Variants in LARGE1 observed in about 807,000 individuals in gnomAD.
LARGE1 encodes LARGE xylosyl- and glucuronyltransferase 1, also known as xylosyl- and glucuronyltransferase LARGE1.
Under a neutral mutation model 87.6 loss-of-function variants are expected in LARGE1, and 43 were observed. That is an observed-to-expected ratio of 0.49 (90% CI 0.38 to 0.63). The LOEUF (loss-of-function observed/expected upper bound fraction) is 0.63, where lower values mean the gene tolerates loss of function less well. Among genes scored for constraint, LARGE1 ranks in the 30% least tolerant of loss-of-function variants. LARGE1 has a pLI of 0.00. For synonymous variants in LARGE1, 434 were observed against 394.6 expected (o/e 1.10, Z -1.18); for missense variants, 802 against 1,000.2 (o/e 0.80, Z 2.67).
At chr22:33,703,355 GAAAAAAAA>G (rs780406393) in intron 2 of LARGE1, among the ~76,000 whole-genome samples, 1 of 86,652 alleles carries the variant, frequency 1.2e-5, no homozygotes, top group Admixed American at 1.3e-4. Flanking sequence ...AGCCTAAAGT[GAAAAAAAA>G]AAAAAAAATA....
chr22:33,601,839 G>GTA (rs764787908), intron 5 of LARGE1, among the ~76,000 whole-genome samples: 16 of 151,884 alleles, frequency 1.1e-4, no homozygotes, highest in Non-Finnish European at 2.2e-4. Flanking sequence ...TATTTCGGAT[G>GTA]TATATATATA....
At chr22:33,447,217 C>T (rs2067718568) in intron 6 of LARGE1, among the ~76,000 whole-genome samples, 2 of 152,228 alleles carry the variant, frequency 1.3e-5, no homozygotes, top group South Asian at 4.1e-4. Flanking sequence ...TTGAAGAGAA[C>T]ATCCTTGCCA....
intron 1 of LARGE1, among the ~76,000 whole-genome samples, chr22:33,853,786 C>T (rs879688256): frequency 6.6e-6 from 1 of 152,254 alleles, no homozygotes; most frequent in Non-Finnish European, 1.5e-5. Context: ...CTGCTGTATC[C>T]TCAAAACCTG....
At chr22:33,193,301 AG>A (rs1240875173) in intron 11 of LARGE1, among the ~76,000 whole-genome samples, 1 of 152,232 alleles carries the variant, frequency 6.6e-6, no homozygotes, top group East Asian at 1.9e-4. Flanking sequence ...AGAGAGTTTA[AG>A]GAACGAATGG....
chr22:33,167,484 T>C (rs2146127554), intron 11 of LARGE1, among the ~76,000 whole-genome samples: 1 of 152,334 alleles, frequency 6.6e-6, no homozygotes, highest in South Asian at 2.1e-4. Flanking sequence ...GCAGTTTCTA[T>C]GGCTTAATAC....
At chr22:33,626,136 G>A (rs2079913155) in intron 4 of LARGE1, 108 bp downstream of exon 4, 1 of 886,376 alleles carries the variant, frequency 1.1e-6, no homozygotes, top group African/African-American at 1.6e-5. Flanking sequence ...TTTTATGGCA[G>A]CTAGAATGAT....
At chr22:33,574,456 A>AT (rs1022477905) in intron 5 of LARGE1, among the ~76,000 whole-genome samples, 27 of 151,206 alleles carry the variant, frequency 1.8e-4, no homozygotes, top group African/African-American at 4.9e-4. Context: ...GCAACCATCT[A>AT]TTTTTTTTTC....
chr22:33,491,319 G>A (rs1271901373), intron 6 of LARGE1, among the ~76,000 whole-genome samples: 1 of 152,156 alleles, frequency 6.6e-6, no homozygotes, highest in Non-Finnish European at 1.5e-5. Context: ...GAATTTTTAT[G>A]TAGGAAAGAG....
intron 9 of LARGE1, among the ~76,000 whole-genome samples, chr22:33,367,410 T>C (rs1462046334): frequency 6.6e-6 from 1 of 152,176 alleles, no homozygotes; most frequent in Non-Finnish European, 1.5e-5. Context: ...GAATTTAATG[T>C]TCTGTTCTGT....
intron 2 of LARGE1, chr22:33,747,716 G>T (rs2084142729): frequency 1.3e-5 from 2 of 152,322 alleles, no homozygotes; most frequent in South Asian, 4.1e-4. Flanking sequence ...TGTGGCTCAG[G>T]GCTCTATGCC....
chr22:33,274,441 CG>C lies in LARGE1; in HGVS notation c.2256del (p.Glu753ArgfsTer76), dbSNP rs1569001326. On this transcript the variant is annotated frameshift_variant, in exon 15 of 15. Coordinates refer to ENST00000397394, the MANE Select transcript of LARGE1 (RefSeq NM_133642.5). LOFTEE classifies it high-confidence loss of function. ...YGFAALKYLT[A>X]ENNS ...GCTTCTTGGTGCTAGCTGTTGTTCTCGGCTGTGAGATATTTCAGGGCAGCAA... is the reference window on the plus strand; with the variant it reads ...GCTTCTTGGTGCTAGCTGTTGTTCTCGCTGTGAGATATTTCAGGGCAGCAA... 6.2e-7 allele frequency: 1 copy of C among 1,614,172 alleles called. No individual in the cohort carries two copies. The highest frequency in any genetic ancestry group is 1.7e-5 in the Admixed American group (1 of 60,014).
At chr22:33,799,775 C>T (rs561738981) in intron 1 of LARGE1, among the ~76,000 whole-genome samples, 11 of 152,200 alleles carry the variant, frequency 7.2e-5, no homozygotes, top group Middle Eastern at 3.4e-3. Flanking sequence ...TGACTGAAAA[C>T]GGAGAGTTTG....
At chr22:33,278,553 T>TCTCTCA (rs1304691630) in intron 13 of LARGE1, among the ~76,000 whole-genome samples, 308 of 148,776 alleles carry the variant, frequency 2.1e-3, no homozygotes, top group African/African-American at 4.6e-3. Flanking sequence ...TCTCTCTCTC[T>TCTCTCA]CACACACACA....
intron 4 of LARGE1, among the ~76,000 whole-genome samples, chr22:33,610,135 A>G (rs994192886): frequency 1.3e-5 from 2 of 152,224 alleles, no homozygotes; most frequent in East Asian, 3.9e-4. Context: ...AGAACAGCCT[A>G]ACACAGAAAA....
intron 6 of LARGE1, among the ~76,000 whole-genome samples, chr22:33,493,759 G>A (rs536823271): frequency 3.3e-5 from 5 of 152,250 alleles, no homozygotes; most frequent in African/African-American, 1.2e-4. Flanking sequence ...CCACACAGCT[G>A]CACTCAAGAT....
chr22:33,564,823 G>T (rs1569273792), intron 6 of LARGE1, 25 bp downstream of exon 6: 3 of 1,613,684 alleles, frequency 1.9e-6, no homozygotes, highest in Non-Finnish European at 2.5e-6. Flanking sequence ...GGATATCGGG[G>T]AAAAAACGAA....
At chr22:33,674,977 A>T (rs944558824) in intron 2 of LARGE1, among the ~76,000 whole-genome samples, 1 of 151,980 alleles carries the variant, frequency 6.6e-6, no homozygotes, top group African/African-American at 2.4e-5. Context: ...CTCAGAAAAA[A>T]AAAAAGTTTG....
At chr22:33,758,151 G>C (rs534851695) in intron 2 of LARGE1, among the ~76,000 whole-genome samples, 12 of 152,278 alleles carry the variant, frequency 7.9e-5, no homozygotes, top group African/African-American at 2.9e-4. Context: ...CCATAGGTTT[G>C]GGGCCACCAG....
intron 3 of LARGE1, among the ~76,000 whole-genome samples, chr22:33,629,991 A>G (rs1303725674): frequency 6.6e-6 from 1 of 152,208 alleles, no homozygotes; most frequent in African/African-American, 2.4e-5. Flanking sequence ...TGAGGTCAAG[A>G]GTTCAAGACC....
Sources: gnomAD v4.1 joint callset for allele counts (sites outside exome capture counted in the v4.1 genomes callset) on GRCh38, gnomAD v4.1.1 for gene constraint, MANE v1.5 for transcripts, NCBI Gene and HGNC (gene_info 2026-07-23, HGNC 2026-07-21) for gene names.